The following SMG6 variants were observed in gnomAD, a reference collection of about 807,000 sequenced individuals.
SMG6 encodes the protein telomerase-binding protein EST1A.
In SMG6, 66 loss-of-function variants were observed where a neutral mutation model predicts 142.2. That is an observed-to-expected ratio of 0.46 (90% CI 0.38 to 0.57). The LOEUF (loss-of-function observed/expected upper bound fraction) is 0.57, where lower values mean the gene tolerates loss of function less well. SMG6 is among the 20% of genes least tolerant of loss of function. The probability of loss-of-function intolerance (pLI) is 0.00; values close to 1 mark genes in which losing one functional copy is unlikely to be tolerated. For missense variants in SMG6, 1,793 were observed against 1,832.0 expected (o/e 0.98, Z 0.39); for synonymous variants, 779 against 702.4 (o/e 1.11, Z -1.72).
intron 13 of SMG6, chr17:2,087,098 T>C: frequency 1.5e-6 from 2 of 1,290,550 alleles, no homozygotes; most frequent in Non-Finnish European, 2.0e-6. Context: ...ATGATCATTT[T>C]ACAGGTGCAG....
chr17:2,280,024 G>A (rs981625984), intron 8 of SMG6, among the ~76,000 whole-genome samples: 2 of 152,108 alleles, frequency 1.3e-5, no homozygotes, highest in Middle Eastern at 3.4e-3. Flanking sequence ...TCTTCCTCAC[G>A]TGACCAAGTG....
At chr17:2,192,258 G>A (rs1034175909) in intron 10 of SMG6, among the ~76,000 whole-genome samples, 4 of 152,264 alleles carry the variant, frequency 2.6e-5, no homozygotes, top group African/African-American at 7.2e-5. Context: ...TGCCATCAGG[G>A]AGAGATTTGA....
chr17:2,297,769 C>G (rs2075175679), intron 3 of SMG6, 94 bp downstream of exon 3: 7 of 1,411,956 alleles, frequency 5.0e-6, no homozygotes, highest in Middle Eastern at 3.5e-4. Context: ...TGTCGATATT[C>G]TGTTCTAAAA....
At chr17:2,187,535 C>T (rs2072027803) in intron 11 of SMG6, among the ~76,000 whole-genome samples, 1 of 151,966 alleles carries the variant, frequency 6.6e-6, no homozygotes, top group African/African-American at 2.4e-5. Flanking sequence ...GGTAAAGGGC[C>T]CGCAACTCTG....
At chr17:2,140,714 T>C (rs923620394) in intron 13 of SMG6, among the ~76,000 whole-genome samples, 1 of 152,056 alleles carries the variant, frequency 6.6e-6, no homozygotes, top group Non-Finnish European at 1.5e-5. Flanking sequence ...TTGTATTCAT[T>C]TTTATAACAT....
chr17:2,181,962 G>C (rs1221293520), intron 12 of SMG6, among the ~76,000 whole-genome samples: 1 of 152,216 alleles, frequency 6.6e-6, no homozygotes, highest in African/African-American at 2.4e-5. Flanking sequence ...AGAGCTAACA[G>C]ACCTGTGGCC....
At chr17:2,129,423 T>G (rs2070025409) in intron 13 of SMG6, among the ~76,000 whole-genome samples, 1 of 152,166 alleles carries the variant, frequency 6.6e-6, no homozygotes, top group African/African-American at 2.4e-5. Flanking sequence ...AATTCAGCCC[T>G]TATTTGTGAT....
At chr17:2,237,400 T>C in intron 9 of SMG6, 2 of 559,918 alleles carry the variant, frequency 3.6e-6, no homozygotes, top group Non-Finnish European at 4.5e-6. Flanking sequence ...TTACTTTAGG[T>C]AACCAGACAT....
chr17:2,108,733 G>C (rs1322972391), intron 13 of SMG6, among the ~76,000 whole-genome samples: 2 of 152,190 alleles, frequency 1.3e-5, no homozygotes, highest in East Asian at 3.8e-4. Flanking sequence ...CTGAGGGTTA[G>C]GAGTTTGAGA....
intron 13 of SMG6, 21 bp downstream of exon 13, chr17:2,172,637 G>T: frequency 6.2e-7 from 1 of 1,611,700 alleles, no homozygotes; most frequent in Non-Finnish European, 8.5e-7. Context: ...AATGGGGAGG[G>T]ATGTTTGGCC....
chr17:2,093,953 C>A (rs1057162396), intron 13 of SMG6, among the ~76,000 whole-genome samples: 1 of 152,082 alleles, frequency 6.6e-6, no homozygotes, highest in Non-Finnish European at 1.5e-5. Context: ...TAGATCCAGG[C>A]TACTGGGCTG....
chr17:2,218,495 T>C (rs2073082284), intron 10 of SMG6, among the ~76,000 whole-genome samples: 1 of 152,080 alleles, frequency 6.6e-6, no homozygotes, highest in Non-Finnish European at 1.5e-5. Context: ...GCAGTGAGCC[T>C]AGATCGCACC....
intron 8 of SMG6, among the ~76,000 whole-genome samples, chr17:2,278,255 T>C (rs1024678322): frequency 2.7e-5 from 4 of 150,886 alleles, no homozygotes; most frequent in Admixed American, 2.0e-4. Flanking sequence ...CAGGCTGGAG[T>C]GCAATGGTGC....
intron 13 of SMG6, among the ~76,000 whole-genome samples, chr17:2,133,831 A>G (rs1028383281): frequency 3.3e-5 from 5 of 152,194 alleles, no homozygotes; most frequent in Non-Finnish European, 7.3e-5. Flanking sequence ...CTCTTTAAAT[A>G]TATGGGGCAT....
intron 13 of SMG6, among the ~76,000 whole-genome samples, chr17:2,112,880 C>A (rs2069382439): frequency 6.6e-6 from 1 of 151,302 alleles, no homozygotes; most frequent in Non-Finnish European, 1.5e-5. Flanking sequence ...GCCTCAGCCT[C>A]CTGAGTAGCT....
At chr17:2,290,384 G>C (rs2075004109) in intron 6 of SMG6, among the ~76,000 whole-genome samples, 1 of 152,200 alleles carries the variant, frequency 6.6e-6, no homozygotes, top group South Asian at 2.1e-4. Context: ...TTCAACAAAT[G>C]GTGCTAGAAC....
chr17:2,261,811 C>T (rs1480689698), intron 8 of SMG6, among the ~76,000 whole-genome samples: 1 of 152,170 alleles, frequency 6.6e-6, no homozygotes, highest in African/African-American at 2.4e-5. Context: ...CAAGTGACAG[C>T]TTCCTAGGAG....
At chr17:2,254,242 A>G (rs544182168) in intron 8 of SMG6, among the ~76,000 whole-genome samples, 1 of 152,240 alleles carries the variant, frequency 6.6e-6, no homozygotes, top group East Asian at 1.9e-4. Flanking sequence ...CCAGGAAGTG[A>G]GAGAGAAGAG....
chr17:2,289,329 G>A (rs552144603), intron 6 of SMG6, among the ~76,000 whole-genome samples: 1 of 152,264 alleles, frequency 6.6e-6, no homozygotes, highest in South Asian at 2.1e-4. Flanking sequence ...GCCAACGCAA[G>A]AGGATCACTT....
Sources: allele counts gnomAD v4.1 joint callset (sites outside exome capture counted in the v4.1 genomes callset), GRCh38; gene constraint gnomAD v4.1.1; transcripts MANE v1.5; gene names NCBI Gene and HGNC (gene_info 2026-07-23, HGNC 2026-07-21).